Variants in CNTLN observed in about 807,000 individuals in gnomAD.
The protein encoded by CNTLN is centlein, also known as centlein, centrosomal protein.
In CNTLN, 212 loss-of-function variants were observed where a neutral mutation model predicts 180.0. The ratio of observed to expected loss-of-function variants is 1.18; its 90% CI spans 1.05 to 1.32. CNTLN has a LOEUF of 1.32. CNTLN is among the 40% of genes most tolerant of loss of function. The probability of loss-of-function intolerance (pLI) is 0.00; values close to 1 mark genes in which losing one functional copy is unlikely to be tolerated. For missense variants in CNTLN, 2,095 were observed against 1,610.9 expected, an observed-to-expected ratio of 1.30 and a Z score of -5.14; for synonymous variants, 722 against 563.1, an observed-to-expected ratio of 1.28 and a Z score of -3.99.
At chr9:17,349,788 G>A (rs1822210481) in intron 12 of CNTLN, among the ~76,000 whole-genome samples, 1 of 152,156 alleles carries the variant, frequency 6.6e-6, no homozygotes, top group Admixed American at 6.5e-5. Flanking sequence ...GGTTCCTTCA[G>A]TATTTAATGA....
At chr9:17,420,486 C>CT (rs1828630246) in intron 18 of CNTLN, among the ~76,000 whole-genome samples, 1 of 151,746 alleles carries the variant, frequency 6.6e-6, no homozygotes, top group Admixed American at 6.6e-5. Flanking sequence ...TTTTGTTTTA[C>CT]TTTTTGAGAA....
rs750373402 is a variant in CNTLN at position 17,235,795 on chromosome 9, G to T, written c.669+3G>T. The stretch of plus-strand genomic sequence containing the variant: ...AAGATAAAAGTCAAGAAATTAAGGT[G>T]TGTTGACTTGTACATAGTTTTGTGG... On this transcript the variant is annotated splice_donor_region_variant and intron_variant, in intron 4 of 25. Coordinates refer to ENST00000380647, the MANE Select transcript of CNTLN (RefSeq NM_017738.4). The T allele has an allele frequency of 1.7e-5, 28 of 1,600,706 alleles. No homozygotes were observed. The East Asian group carries it at 6.3e-4, about 36-fold the overall frequency.
chr9:17,282,486 G>A (rs1278640434), intron 6 of CNTLN, among the ~76,000 whole-genome samples: 1 of 152,022 alleles, frequency 6.6e-6, no homozygotes, highest in Non-Finnish European at 1.5e-5. Context: ...CTGGATATTA[G>A]GCCTTTGTCA....
the CNTLN span, among the ~76,000 whole-genome samples, chr9:17,516,138 C>G: frequency 2.6e-5 from 4 of 152,156 alleles, no homozygotes; most frequent in Non-Finnish European, 4.4e-5. Flanking sequence ...AACCTTTACT[C>G]AAAGACACCT....
intron 6 of CNTLN, 138 bp downstream of exon 6, chr9:17,274,004 C>G: frequency 1.5e-6 from 1 of 679,968 alleles, no homozygotes; most frequent in Non-Finnish European, 2.3e-6. Context: ...CATTGAGAAT[C>G]TGGAGTTATT....
chr9:17,334,898 T>A (rs1820895838), intron 10 of CNTLN, among the ~76,000 whole-genome samples: 1 of 140,036 alleles, frequency 7.1e-6, no homozygotes. Flanking sequence ...ATGTGCTCCC[T>A]GAATCTAAAA....
At chr9:17,435,172 G>A (rs541244295) in intron 18 of CNTLN, among the ~76,000 whole-genome samples, 5 of 152,010 alleles carry the variant, frequency 3.3e-5, no homozygotes, top group African/African-American at 1.2e-4. Context: ...GCTTTACCTC[G>A]GTTCTGGAGC....
intron 2 of CNTLN, among the ~76,000 whole-genome samples, chr9:17,215,766 C>G (rs1274168450): frequency 6.6e-6 from 1 of 152,160 alleles, no homozygotes; most frequent in Non-Finnish European, 1.5e-5. Flanking sequence ...CACCCCTTCT[C>G]CAGCCTCGCT....
chr9:17,246,609 A>G (rs7035318), intron 5 of CNTLN, among the ~76,000 whole-genome samples: 31,273 of 152,116 alleles, frequency 0.21, 4,098 homozygotes, highest in African/African-American at 0.37. Context: ...TTAATCCAGC[A>G]AGACCTGTGT....
rs184119920 is a variant in CNTLN at position 17,473,018 on chromosome 9, A to G, written c.3855+6127A>G. Among the ~76,000 whole-genome samples, 456 of 152,108 alleles carry G rather than the reference A, an allele frequency of 3.0e-3. 3 individuals carry two copies. The highest frequency in any genetic ancestry group is 0.011 in the African/African-American group (437 of 41,488). ...TTGCATATATCCTCAACTTCCTCAT[A>G]TGTCCCTTTGTCATATTCATGTGGA... On this transcript the variant is annotated intron_variant, in intron 23 of 25. Coordinates refer to ENST00000380647, the MANE Select transcript of CNTLN (RefSeq NM_017738.4).
intron 10 of CNTLN, among the ~76,000 whole-genome samples, chr9:17,338,163 T>C (rs1392972169): frequency 6.0e-5 from 9 of 150,022 alleles, no homozygotes. Flanking sequence ...TTCTTTCTTT[T>C]TCTTTCTTTT....
chr9:17,164,002 G>A (rs7864861), intron 2 of CNTLN, among the ~76,000 whole-genome samples: 2,025 of 151,436 alleles, frequency 0.013, 48 homozygotes, highest in African/African-American at 0.047. Context: ...CTGGGCAACA[G>A]AGCAAGACTC....
chr9:17,404,691 TC>T (rs1197851698), intron 15 of CNTLN, among the ~76,000 whole-genome samples: 17 of 151,490 alleles, frequency 1.1e-4, no homozygotes, highest in Non-Finnish European at 2.2e-4. Flanking sequence ...TTGTGTACAA[TC>T]CTTGTTTCAA....
At chr9:17,489,225 T>C (rs918306707) in intron 25 of CNTLN, among the ~76,000 whole-genome samples, 3 of 152,052 alleles carry the variant, frequency 2.0e-5, no homozygotes, top group Admixed American at 6.6e-5. Flanking sequence ...CCCACCAGCC[T>C]TTTTTTAGAG....
chr9:17,380,550 T>G (rs1825160284), intron 13 of CNTLN, among the ~76,000 whole-genome samples: 1 of 152,162 alleles, frequency 6.6e-6, no homozygotes, highest in South Asian at 2.1e-4. Flanking sequence ...CAAGTCTGGT[T>G]GGGGAGGGCA....
intron 6 of CNTLN, among the ~76,000 whole-genome samples, chr9:17,280,343 C>T (rs1828587917): frequency 6.6e-6 from 1 of 152,164 alleles, no homozygotes; most frequent in Admixed American, 6.5e-5. Context: ...TTGAACCTAA[C>T]AATTTTATGT....
At chr9:17,510,519 C>A in the CNTLN span, among the ~76,000 whole-genome samples, 1 of 152,110 alleles carries the variant, frequency 6.6e-6, no homozygotes. Flanking sequence ...AGTCAGTGGA[C>A]TTTCAGTAAA....
At chr9:17,244,595 T>G (rs1243245929) in intron 5 of CNTLN, among the ~76,000 whole-genome samples, 1 of 152,128 alleles carries the variant, frequency 6.6e-6, no homozygotes, top group East Asian at 1.9e-4. Flanking sequence ...TTTGGTCTGT[T>G]TACCTTCCGC....
At chr9:17,312,383 TAA>T (rs1819246980) in intron 8 of CNTLN, among the ~76,000 whole-genome samples, 3 of 109,702 alleles carry the variant, frequency 2.7e-5, no homozygotes, top group African/African-American at 1.0e-4. Flanking sequence ...TATATATATA[TAA>T]TTTATTTATT....
Sources: allele counts gnomAD v4.1 joint callset (sites outside exome capture counted in the v4.1 genomes callset), GRCh38; gene constraint gnomAD v4.1.1; transcripts MANE v1.5; gene names NCBI Gene and HGNC (gene_info 2026-07-23, HGNC 2026-07-21).